ROBO1: variants seen among roughly 807,000 people sequenced by gnomAD.
The protein encoded by ROBO1 is roundabout homolog 1.
In ROBO1, 149 loss-of-function variants were observed where a neutral mutation model predicts 195.9. The observed-to-expected ratio is 0.76, with a 90% CI of 0.67 to 0.87. ROBO1 has a LOEUF of 0.87. ROBO1 is among the 40% of genes least tolerant of loss of function. ROBO1 has a pLI of 0.00. For missense variants in ROBO1, 1,933 were observed against 2,068.3 expected (o/e 0.93, Z 1.27); for synonymous variants, 816 against 733.2 (o/e 1.11, Z -1.82).
At chr3:79,479,577 G>A (rs1368187185) in intron 2 of ROBO1, among the ~76,000 whole-genome samples, 2 of 152,136 alleles carry the variant, frequency 1.3e-5, no homozygotes, top group African/African-American at 4.8e-5. Flanking sequence ...CTGGTATCTG[G>A]AAGTCACTCT....
At chr3:79,647,623 G>A (rs1310051873) in intron 1 of ROBO1, among the ~76,000 whole-genome samples, 2 of 151,952 alleles carry the variant, frequency 1.3e-5, no homozygotes, top group African/African-American at 2.4e-5. Context: ...TTCCTACTAA[G>A]CACAGGATAC....
Position 78,598,910 on chromosome 3 carries a change from T to C in ROBO1, c.*3A>G. 1 of 1,573,152 alleles carries C rather than the reference T, an allele frequency of 6.4e-7. No homozygotes were observed. Among genetic ancestry groups the C allele is most frequent in the Non-Finnish European group, 8.7e-7 (1 of 1,155,626 alleles). On this transcript the variant is annotated 3_prime_UTR_variant, in exon 31 of 31. Coordinates refer to ENST00000464233, the MANE Select transcript of ROBO1 (RefSeq NM_002941.4). ...TTAGATCTCATAAGCCTCTTGGTTG[T>C]CTTCAGCTTTCAGTTTCCTGTAAGA...
intron 2 of ROBO1, among the ~76,000 whole-genome samples, chr3:79,581,668 G>C (rs1341954650): frequency 6.6e-6 from 1 of 152,004 alleles, no homozygotes; most frequent in Non-Finnish European, 1.5e-5. Context: ...CTCTTTCAAG[G>C]CTTGCCACTT....
chr3:79,372,052 G>A (rs546001057), intron 2 of ROBO1, among the ~76,000 whole-genome samples: 4 of 152,146 alleles, frequency 2.6e-5, no homozygotes, highest in South Asian at 4.2e-4. Flanking sequence ...ATCTAGTGCC[G>A]CAGCTGATCT....
At chr3:79,128,882 T>G (rs548292101) in intron 2 of ROBO1, among the ~76,000 whole-genome samples, 1 of 152,322 alleles carries the variant, frequency 6.6e-6, no homozygotes, top group South Asian at 2.1e-4. Context: ...TGTATAGAAC[T>G]AATGCCTCAT....
chr3:79,185,170 C>T (rs2108742718), intron 2 of ROBO1, among the ~76,000 whole-genome samples: 1 of 152,256 alleles, frequency 6.6e-6, no homozygotes. Flanking sequence ...TAACTACTAA[C>T]CCGATCTAGA....
chr3:79,217,521 T>C (rs1048979249), intron 2 of ROBO1, among the ~76,000 whole-genome samples: 9 of 152,160 alleles, frequency 5.9e-5, no homozygotes, highest in African/African-American at 2.2e-4. Context: ...TCTCAATTCT[T>C]CTACTTAGTC....
intron 2 of ROBO1, among the ~76,000 whole-genome samples, chr3:79,319,504 A>G (rs1348483790): frequency 6.6e-6 from 1 of 152,138 alleles, no homozygotes; most frequent in Non-Finnish European, 1.5e-5. Flanking sequence ...TCCATTTAAT[A>G]AGATTCTTGT....
intron 3 of ROBO1, among the ~76,000 whole-genome samples, chr3:79,088,550 AAG>A (rs757231740): frequency 1.3e-4 from 20 of 152,288 alleles, no homozygotes; most frequent in South Asian, 8.3e-4. Flanking sequence ...GCACATTGTA[AAG>A]AGAGTAACAG....
chr3:79,511,919 A>G (rs1177084544), intron 2 of ROBO1, among the ~76,000 whole-genome samples: 2 of 152,118 alleles, frequency 1.3e-5, no homozygotes, highest in African/African-American at 4.8e-5. Context: ...GGGGCCTATC[A>G]GAGGGTAAAA....
chr3:78,914,878 T>C (rs893031179), intron 4 of ROBO1, among the ~76,000 whole-genome samples: 2 of 151,068 alleles, frequency 1.3e-5, no homozygotes, highest in Admixed American at 1.3e-4. Flanking sequence ...GGTAAGATAA[T>C]AAATGCCATA....
chr3:79,551,942 A>G (rs1228162866), intron 2 of ROBO1, among the ~76,000 whole-genome samples: 1 of 135,650 alleles, frequency 7.4e-6, no homozygotes, highest in East Asian at 2.4e-4. Context: ...AATAATGGAG[A>G]CCTCTTCAGC....
chr3:78,772,084 A>G (rs1324929218), intron 4 of ROBO1, among the ~76,000 whole-genome samples: 1 of 152,126 alleles, frequency 6.6e-6, no homozygotes, highest in African/African-American at 2.4e-5. Context: ...GATGTAATAA[A>G]TTTTCCAAAT....
intron 4 of ROBO1, among the ~76,000 whole-genome samples, chr3:78,915,939 C>T (rs1046034296): frequency 1.3e-5 from 2 of 152,260 alleles, no homozygotes; most frequent in African/African-American, 4.8e-5. Context: ...GCGAGAGCCG[C>T]TGTGCCCAGC....
At chr3:78,775,768 GC>G (rs2083488337) in intron 4 of ROBO1, among the ~76,000 whole-genome samples, 1 of 152,154 alleles carries the variant, frequency 6.6e-6, no homozygotes, top group Non-Finnish European at 1.5e-5. Flanking sequence ...TGTATAGCAG[GC>G]TTACTGTCTG....
chr3:78,673,377 A>G (rs145577023), intron 10 of ROBO1, among the ~76,000 whole-genome samples: 79 of 149,676 alleles, frequency 5.3e-4, no homozygotes, highest in Non-Finnish European at 5.8e-4. Context: ...TGTAACAGGT[A>G]TAACAGGTGC....
At chr3:79,231,054 TACACAAAAATCA>T (rs2082310840) in intron 2 of ROBO1, among the ~76,000 whole-genome samples, 1 of 152,056 alleles carries the variant, frequency 6.6e-6, no homozygotes, top group Non-Finnish European at 1.5e-5. Flanking sequence ...CCTTACACCC[TACACAAAAATCA>T]ACTCAGGATG....
At chr3:79,205,220 CT>C (rs2081845180) in intron 2 of ROBO1, among the ~76,000 whole-genome samples, 1 of 152,094 alleles carries the variant, frequency 6.6e-6, no homozygotes, top group East Asian at 1.9e-4. Flanking sequence ...TCTCAAACCC[CT>C]GTCCTCAAGT....
intron 4 of ROBO1, among the ~76,000 whole-genome samples, chr3:78,833,817 G>A (rs1348859566): frequency 6.6e-6 from 1 of 152,084 alleles, no homozygotes; most frequent in Admixed American, 6.6e-5. Flanking sequence ...AGGGGTGAGG[G>A]AAGAGAACTC....
Sources: gnomAD v4.1 joint callset for allele counts (sites outside exome capture counted in the v4.1 genomes callset) on GRCh38, gnomAD v4.1.1 for gene constraint, MANE v1.5 for transcripts, NCBI Gene and HGNC (gene_info 2026-07-23, HGNC 2026-07-21) for gene names.